SYNJ2: variants seen among roughly 807,000 people sequenced by gnomAD.
SYNJ2 encodes the protein polyphosphatidylinositol phosphatase SYNJ2.
Under a neutral mutation model 141.3 loss-of-function variants are expected in SYNJ2, and 116 were observed. That is an observed-to-expected ratio of 0.82 (90% confidence interval 0.71 to 0.96). SYNJ2 has a LOEUF of 0.96. Among genes scored for constraint, SYNJ2 ranks in the 40% least tolerant of loss-of-function variants. The probability of loss-of-function intolerance (pLI) is 0.00; values close to 1 mark genes in which losing one functional copy is unlikely to be tolerated. For missense variants in SYNJ2, 1,873 were observed against 1,934.8 expected (o/e 0.97, Z 0.60); for synonymous variants, 745 against 777.7 (o/e 0.96, Z 0.70).
At chr6:158,089,779 C>T in intron 24 of SYNJ2, 60 bp from the exon 25 acceptor site, 1 of 1,322,814 alleles carries the variant, frequency 7.6e-7, no homozygotes, top group Non-Finnish European at 1.1e-6. Flanking sequence ...GCAGATACGT[C>T]CCACGAGGCT....
chr6:158,024,451 C>T (rs1319490183), intron 2 of SYNJ2, among the ~76,000 whole-genome samples: 1 of 152,174 alleles, frequency 6.6e-6, no homozygotes, highest in Non-Finnish European at 1.5e-5. Flanking sequence ...GACCCCACCT[C>T]CTAAAACCAT....
At chr6:158,068,548 G>T in intron 12 of SYNJ2, 99 bp from the exon 13 acceptor site, 1 of 1,327,520 alleles carries the variant, frequency 7.5e-7, no homozygotes, top group Non-Finnish European at 1.1e-6. Context: ...CTCAGGCAGT[G>T]GACAGCATGA....
chr6:158,000,435 A>G (rs1292766617), intron 1 of SYNJ2, among the ~76,000 whole-genome samples: 1 of 152,148 alleles, frequency 6.6e-6, no homozygotes, highest in Non-Finnish European at 1.5e-5. Flanking sequence ...CCTGGTGTTC[A>G]GAGGCTCCTG....
chr6:158,083,759 G>T (rs1258002777), intron 21 of SYNJ2, among the ~76,000 whole-genome samples, 162 bp downstream of exon 21: 1 of 152,200 alleles, frequency 6.6e-6, no homozygotes, highest in East Asian at 1.9e-4. Context: ...TGTGGACGAT[G>T]CATGCCATGC....
rs143362296 is a variant in SYNJ2 at position 158,017,255 on chromosome 6, C to T, written c.179C>T (p.Ala60Val). The T allele has an allele frequency of 2.3e-3, 3,638 of 1,613,908 alleles. 14 individuals carry two copies. The highest frequency in any genetic ancestry group is 3.3e-3 in the Middle Eastern group (20 of 6,060). Residue 60 changes from alanine (A) to valine (V), a missense_variant, in exon 2 of 27, where the codon GCG (alanine) becomes GTG (valine). Coordinates refer to ENST00000355585, the MANE Select transcript of SYNJ2 (RefSeq NM_003898.4). The stretch of plus-strand genomic sequence containing the variant: ...GGACAGTATGGCAAGCTCACGGACG[C>T]GTACGGCTGCCTGGGGGAGCTGAGG... ...IKGQYGKLTDAYGCLGELRLK... is the reference protein window; with the variant it reads ...IKGQYGKLTDVYGCLGELRLK...
intron 25 of SYNJ2, 71 bp from the exon 26 acceptor site, chr6:158,092,855 T>C: frequency 7.2e-7 from 1 of 1,387,396 alleles, no homozygotes; most frequent in Non-Finnish European, 9.7e-7. Context: ...GGATGTAGAC[T>C]GTCTAAGGAC....
chr6:158,020,448 CTG>C (rs1778707813), intron 2 of SYNJ2, among the ~76,000 whole-genome samples: 1 of 133,980 alleles, frequency 7.5e-6, no homozygotes, highest in Non-Finnish European at 1.6e-5. Context: ...CTGACTCTAA[CTG>C]TGTGACTCCA....
intron 1 of SYNJ2, among the ~76,000 whole-genome samples, chr6:157,991,360 C>G (rs1157191954): frequency 3.3e-5 from 5 of 152,186 alleles, no homozygotes; most frequent in Admixed American, 6.5e-5. Flanking sequence ...GGTTCTGCCT[C>G]GTTGGCTCTG....
chr6:158,004,292 A>T (rs1447350903), intron 1 of SYNJ2, among the ~76,000 whole-genome samples: 1 of 152,168 alleles, frequency 6.6e-6, no homozygotes, highest in Non-Finnish European at 1.5e-5. Context: ...GATACAGGTC[A>T]TAAAGGCCTT....
chr6:158,076,819 G>A (rs1479821141), intron 17 of SYNJ2, 37 bp downstream of exon 17: 1 of 1,579,092 alleles, frequency 6.3e-7, no homozygotes, highest in African/African-American at 1.4e-5. Flanking sequence ...TCGGCAGAGG[G>A]TGAATAAGAA....
intron 5 of SYNJ2, among the ~76,000 whole-genome samples, chr6:158,053,675 A>G (rs1780693184): frequency 6.7e-6 from 1 of 150,144 alleles, no homozygotes; most frequent in Non-Finnish European, 1.5e-5. Context: ...CCATCCCTCT[A>G]TCCAGCCAGT....
At chr6:158,039,425 G>C (rs1779817567) in intron 4 of SYNJ2, among the ~76,000 whole-genome samples, 2 of 152,224 alleles carry the variant, frequency 1.3e-5, no homozygotes, top group Non-Finnish European at 2.9e-5. Context: ...CGGGCTGCGT[G>C]GTCTGCAGGG....
rs1368704026 is a variant in SYNJ2, at chr6:158,071,792, A to G, written c.2131A>G (p.Met711Val). The change falls in exon 15 of 27, where the codon ATG becomes GTG. Residue 711 changes from methionine to valine, a missense_variant and splice_region_variant. Coordinates refer to ENST00000355585, the MANE Select transcript of SYNJ2 (RefSeq NM_003898.4). The surrounding 1 kb of genome is among the most constrained non-coding windows in gnomAD (Gnocchi z 4.3). ...KEITQKLCFP[M>V]GRNVFSHDYV... ...GATCACCCAGAAACTCTGCTTCCCA[A>G]TGGTGAGCGGCGCCGTGGGGACAGC... The G allele has an allele frequency of 3.7e-6, 6 of 1,612,986 alleles. 1 individual carries two copies. In the South Asian group the frequency reaches 5.5e-5, roughly 15 times the overall value.
chr6:158,060,329 C>T (rs1167081413), intron 7 of SYNJ2, among the ~76,000 whole-genome samples: 1 of 152,122 alleles, frequency 6.6e-6, no homozygotes, highest in East Asian at 1.9e-4. Flanking sequence ...TGCATGGATC[C>T]CAGGCCTCCA....
chr6:158,066,475 G>T lies in SYNJ2; in HGVS notation c.1557G>T (p.Glu519Asp). 1 of 1,614,186 alleles carries T rather than the reference G, an allele frequency of 6.2e-7. No individual in the cohort carries two copies. Among genetic ancestry groups the T allele is most frequent in the Non-Finnish European group, 8.5e-7 (1 of 1,180,046 alleles). Reference protein sequence around the residue: ...VTPRILKAMTERQSEFTNFKR... With the variant: ...VTPRILKAMTDRQSEFTNFKR... The stretch of plus-strand genomic sequence containing the variant: ...CCAGGATCCTGAAAGCTATGACTGA[G>T]CGTCAGTCCGAATTCACAAATTTCA... Residue 519 changes from glutamate (E) to aspartate (D), a missense_variant, in exon 12 of 27, where the codon GAG becomes GAT. Coordinates refer to ENST00000355585, the MANE Select transcript of SYNJ2 (RefSeq NM_003898.4).
intron 6 of SYNJ2, among the ~76,000 whole-genome samples, chr6:158,057,663 A>G (rs1780950428): frequency 6.6e-6 from 1 of 152,214 alleles, no homozygotes; most frequent in African/African-American, 2.4e-5. Flanking sequence ...TGGGCTTTGG[A>G]ACCAGTTGAG....
intron 1 of SYNJ2, among the ~76,000 whole-genome samples, chr6:157,995,094 T>A (rs1202979515): frequency 6.6e-6 from 1 of 152,200 alleles, no homozygotes; most frequent in Non-Finnish European, 1.5e-5. Context: ...ACTGCAGAAG[T>A]GGTATTTGGA....
intron 3 of SYNJ2, chr6:158,030,307 A>G (rs553007268): frequency 6.5e-6 from 1 of 152,784 alleles, no homozygotes; most frequent in East Asian, 1.9e-4. Context: ...ATGTTTTAGA[A>G]TCCAGTGTCT....
intron 3 of SYNJ2, chr6:158,030,822 G>T (rs965524057): frequency 3.9e-5 from 6 of 152,312 alleles, no homozygotes; most frequent in African/African-American, 1.4e-4. Context: ...TTGAACCCAG[G>T]AGGCTGAGAT....
Sources: allele counts gnomAD v4.1 joint callset (sites outside exome capture counted in the v4.1 genomes callset), GRCh38; gene constraint gnomAD v4.1.1; non-coding constraint Gnocchi (gnomAD v3.1); transcripts MANE v1.5; gene names NCBI Gene and HGNC (gene_info 2026-07-23, HGNC 2026-07-21).